The following SUPT5H variants were observed in gnomAD, a reference collection of about 807,000 sequenced individuals.
The protein encoded by SUPT5H is transcription elongation factor SPT5.
In SUPT5H, 24 loss-of-function variants were observed where a neutral mutation model predicts 142.5. The observed-to-expected ratio is 0.17, with a 90% CI of 0.12 to 0.24. The LOEUF (loss-of-function observed/expected upper bound fraction) is 0.24, where lower values mean the gene tolerates loss of function less well. Among genes scored for constraint, SUPT5H ranks in the 10% least tolerant of loss-of-function variants. The probability of loss-of-function intolerance (pLI) is 1.00; values close to 1 mark genes in which losing one functional copy is unlikely to be tolerated. For synonymous variants in SUPT5H, 546 were observed against 553.0 expected (o/e 0.99, Z 0.18); for missense variants, 893 against 1,471.8 (o/e 0.61, Z 6.43).
At chr19:39,453,026 AAAAG>A (rs1442754106) in intron 2 of SUPT5H, among the ~76,000 whole-genome samples, 88 of 151,608 alleles carry the variant, frequency 5.8e-4, no homozygotes, top group African/African-American at 2.0e-3. Flanking sequence ...AAAAAAAAAA[AAAAG>A]AGAGAGAAAG....
chr19:39,474,112 C>T lies in SUPT5H; in HGVS notation c.2642C>T (p.Thr881Met), dbSNP rs2079366831. The T allele has an allele frequency of 1.3e-6, 2 of 1,599,240 alleles. No individual in the cohort carries two copies. Among genetic ancestry groups the T allele is most frequent in the East Asian group, 2.2e-5 (1 of 44,768 alleles). The change falls in exon 26 of 30, where the codon ACG becomes ATG. Residue 881 changes from threonine to methionine, a missense_variant. Physicochemically the swap from Thr to Met is moderately conservative, Grantham distance 81. Transcript: ENST00000432763. This position sits in a 1 kb window ranked among gnomAD's most constrained non-coding sequence, Gnocchi z 6.5. ...CAATACAACCCGCAGACGCCAGGGA[C>T]GCCGGCCATGTGAGTCCACTGGGGC... ...NPQYNPQTPG[T>M]PAMYNTDQFS...
In SUPT5H at chr19:39,476,429, T is replaced by A; in HGVS notation, c.*30T>A. 5 of 1,612,756 alleles carry A rather than the reference T, an allele frequency of 3.1e-6. No individual in the cohort carries two copies. The highest frequency in any genetic ancestry group is 4.2e-6 in the Non-Finnish European group (5 of 1,179,770). ...GGCAGGGCCGGTGGACTTCGTCGGA[T>A]GAAGAGTGATCCTCCTTCCTTCCCT... On this transcript the variant is annotated 3_prime_UTR_variant, in exon 30 of 30. Coordinates refer to ENST00000432763, the MANE Select transcript of SUPT5H (RefSeq NM_001111020.3).
At position 39,455,627 on chromosome 19, in the gene SUPT5H, CT is replaced by C. The variant is rs113696535; in HGVS notation, c.242-2035del. Among the ~76,000 whole-genome samples, 460 of 143,162 alleles carry C rather than the reference CT, an allele frequency of 3.2e-3. 1 individual carries two copies. Among genetic ancestry groups the C allele is most frequent in the African/African-American group, 7.3e-3 (286 of 39,262 alleles). The allele number at this position is 143,162 out of a possible 152,430, so 93.9% of individuals were successfully genotyped here. A position where few individuals can be genotyped will look rare whatever the true frequency, so the allele number is the denominator to read the frequency against. ...TTACATGCATTTCTTTTCTTTTCTT[CT>C]TTTTTTTTTTTTGAGATGGAGTTTC... On this transcript the variant is annotated intron_variant, in intron 3 of 29. Coordinates refer to ENST00000432763, the MANE Select transcript of SUPT5H (RefSeq NM_001111020.3).
chr19:39,472,387 TCACTCC>T lies in SUPT5H; in HGVS notation c.1951-21_1951-16del. The T allele has an allele frequency of 6.2e-7, 1 of 1,613,104 alleles. No individual in the cohort carries two copies. Among genetic ancestry groups the T allele is most frequent in the Non-Finnish European group, 8.5e-7 (1 of 1,179,254 alleles). ...GTTCCCCCATCCCCTGCCTGCCAGT[TCACTCC>T]TTGCTTCTATCCTAGCCCCGTGATG... On this transcript the variant is annotated splice_polypyrimidine_tract_variant and intron_variant, in intron 20 of 29. Coordinates refer to ENST00000432763, the MANE Select transcript of SUPT5H (RefSeq NM_001111020.3). This position sits in a 1 kb window ranked among gnomAD's most constrained non-coding sequence, Gnocchi z 4.2.
In SUPT5H at chr19:39,473,224, C is replaced by A; in HGVS notation, c.2280C>A (p.Gly760=). 3 of 1,613,074 alleles carry A rather than the reference C, an allele frequency of 1.9e-6. No homozygotes were observed. Among genetic ancestry groups the A allele is most frequent in the Non-Finnish European group, 2.5e-6 (3 of 1,179,940 alleles). ...CCAGGGGCTCACGGCGCCCGGGCGGCATGACCTCGACCTATGGGAGGACGC... is the reference window on the plus strand; with the variant it reads ...CCAGGGGCTCACGGCGCCCGGGCGGAATGACCTCGACCTATGGGAGGACGC... ...LTTVGSRRPG[G]MTSTYGRTPM... The change falls in exon 24 of 30, where the codon GGC becomes GGA. Residue 760 remains glycine, a synonymous_variant. Coordinates refer to ENST00000432763, the MANE Select transcript of SUPT5H (RefSeq NM_001111020.3). The surrounding 1 kb of genome is among the most constrained non-coding windows in gnomAD (Gnocchi z 5.8).
At chr19:39,459,831 C>A in intron 9 of SUPT5H, 61 bp from the exon 10 acceptor site, 1 of 1,571,866 alleles carries the variant, frequency 6.4e-7, no homozygotes, top group East Asian at 2.2e-5. Context: ...TCTCCTTCCC[C>A]CTTTCCTGTG....
chr19:39,456,097 A>G (rs1025960799), intron 3 of SUPT5H, among the ~76,000 whole-genome samples: 4 of 149,348 alleles, frequency 2.7e-5, no homozygotes, highest in Non-Finnish European at 5.9e-5. Context: ...TTGTGTTTTT[A>G]GTAGAGACGG....
chr19:39,476,547 C>A lies in SUPT5H; in HGVS notation c.*148C>A. The A allele has an allele frequency of 9.6e-7, 1 of 1,045,536 alleles. No individual in the cohort carries two copies. Among genetic ancestry groups the A allele is most frequent in the African/African-American group, 1.6e-5 (1 of 62,638 alleles). 64.8% of individuals were successfully genotyped at this position (1,045,536 alleles called of 1,614,324 possible). A position where few individuals can be genotyped will look rare whatever the true frequency, so the allele number is the denominator to read the frequency against. On this transcript the variant is annotated 3_prime_UTR_variant, in exon 30 of 30. Coordinates refer to ENST00000432763, the MANE Select transcript of SUPT5H (RefSeq NM_001111020.3). ...TTCCTTTTAGTTTTCCATCTTTTCCCTCCCTGGTGCTCATTGGAATCTGAG... is the reference window on the plus strand; with the variant it reads ...TTCCTTTTAGTTTTCCATCTTTTCCATCCCTGGTGCTCATTGGAATCTGAG...
At chr19:39,455,251 A>C (rs970807805) in intron 3 of SUPT5H, among the ~76,000 whole-genome samples, 8 of 152,260 alleles carry the variant, frequency 5.3e-5, no homozygotes, top group African/African-American at 1.9e-4. Flanking sequence ...AGAAAGGTAC[A>C]GAACGGTGTG....
In SUPT5H at chr19:39,464,917, C is replaced by T. The variant is rs780448098; in HGVS notation, c.744C>T (p.Gly248=). 2.5e-6 allele frequency: 4 copies of T among 1,614,108 alleles called. No homozygotes were observed. In the South Asian group the frequency reaches 4.4e-5, roughly 18 times the overall value. Residue 248 remains glycine (G), a synonymous_variant, in exon 11 of 30, where the codon GGC becomes GGT. Coordinates refer to ENST00000432763, the MANE Select transcript of SUPT5H (RefSeq NM_001111020.3). ...AGGGGGTGGGCAACCTGCGGCTTGG[C>T]TACTGGAACCAGCAGATGGTGCCCA... The part of the protein sequence containing the change: ...AIEGVGNLRL[G]YWNQQMVPIK...
Position 39,472,572 on chromosome 19 carries a change from G to C in SUPT5H, c.2035+79G>C. On this transcript the variant is annotated intron_variant, in intron 21 of 29. Coordinates refer to ENST00000432763, the MANE Select transcript of SUPT5H (RefSeq NM_001111020.3). The surrounding 1 kb of genome is among the most constrained non-coding windows in gnomAD (Gnocchi z 4.2). ...CTTGGTTGTTCAGCCTACACTCACT[G>C]AGTGCCTGTGCTGGGCTGGGCACTG... The C allele has an allele frequency of 2.0e-6, 3 of 1,525,980 alleles. No individual in the cohort carries two copies. Among genetic ancestry groups the C allele is most frequent in the Non-Finnish European group, 2.7e-6 (3 of 1,107,950 alleles). The allele number at this position is 1,525,980 out of a possible 1,614,324, so 94.5% of individuals were successfully genotyped here. A position where few individuals can be genotyped will look rare whatever the true frequency, so the allele number is the denominator to read the frequency against.
chr19:39,471,055 C>T (rs2079312576), intron 18 of SUPT5H, among the ~76,000 whole-genome samples: 1 of 152,166 alleles, frequency 6.6e-6, no homozygotes, highest in African/African-American at 2.4e-5. Context: ...GGGCCTGACA[C>T]AGAATGATGG....
Position 39,469,084 on chromosome 19 carries a change from G to C in SUPT5H, c.1149G>C (p.Thr383=). 1 of 1,614,148 alleles carries C rather than the reference G, an allele frequency of 6.2e-7. No individual in the cohort carries two copies. The highest frequency in any genetic ancestry group is 8.5e-7 in the Non-Finnish European group (1 of 1,180,032). Residue 383 remains threonine (T), a synonymous_variant, in exon 15 of 30, where the codon ACG becomes ACC. Coordinates refer to ENST00000432763, the MANE Select transcript of SUPT5H (RefSeq NM_001111020.3). This position sits in a 1 kb window ranked among gnomAD's most constrained non-coding sequence, Gnocchi z 5.1. ...FKSFAMSAVI[T]EGVKPTLSEL... ...CCTCACCGCTGGGGGCTTAGATCAC[G>C]GAGGGTGTGAAGCCAACACTCTCTG...
chr19:39,454,285 C>A (rs994263628), intron 3 of SUPT5H, among the ~76,000 whole-genome samples: 2 of 151,666 alleles, frequency 1.3e-5, no homozygotes, highest in East Asian at 3.9e-4. Context: ...GATGAAAAAT[C>A]TCTGTTCTAC....
Position 39,473,364 on chromosome 19 carries a change from A to G in SUPT5H, c.2386+34A>G. On this transcript the variant is annotated intron_variant, in intron 24 of 29. Coordinates refer to ENST00000432763, the MANE Select transcript of SUPT5H (RefSeq NM_001111020.3). The surrounding 1 kb of genome is among the most constrained non-coding windows in gnomAD (Gnocchi z 5.8). ...CCGCAGGGGACAGGGAAGAGGGGCT[A>G]GGGGGACCTAGAGAAGGGACAGGAC... The G allele has an allele frequency of 6.2e-7, 1 of 1,613,438 alleles. No homozygotes were observed. Among genetic ancestry groups the G allele is most frequent in the Non-Finnish European group, 8.5e-7 (1 of 1,179,852 alleles).
intron 4 of SUPT5H, 165 bp downstream of exon 4, chr19:39,457,905 C>G: frequency 8.1e-7 from 1 of 1,233,996 alleles, no homozygotes; most frequent in Non-Finnish European, 1.1e-6. Context: ...CTGCTTTTTC[C>G]TTTTAGGCCC....
intron 2 of SUPT5H, among the ~76,000 whole-genome samples, chr19:39,452,905 C>G (rs2079037990): frequency 6.6e-6 from 1 of 151,434 alleles, no homozygotes. Flanking sequence ...CTCAGCTACT[C>G]AGGAGGCTGA....
In SUPT5H at chr19:39,458,111, A is replaced by C. The variant is rs113856265; in HGVS notation, c.308-183A>C. On this transcript the variant is annotated intron_variant, in intron 4 of 29. Transcript: ENST00000432763. The surrounding 1 kb of genome is among the most constrained non-coding windows in gnomAD (Gnocchi z 4.2). The stretch of plus-strand genomic sequence containing the variant: ...CCTCATACATTTCGGCTTCTCCCCA[A>C]CCACCTGGTGCCTGGCCTTTACTTT... 1.0e-5 allele frequency: 11 copies of C among 1,079,956 alleles called. No individual in the cohort carries two copies. The highest frequency in any genetic ancestry group is 6.4e-5 in the African/African-American group (4 of 62,634). The allele number at this position is 1,079,956 out of a possible 1,614,324, so 66.9% of individuals were successfully genotyped here.
chr19:39,458,110 A>G lies in SUPT5H; in HGVS notation c.308-184A>G, dbSNP rs2079114452. On this transcript the variant is annotated intron_variant, in intron 4 of 29. Coordinates refer to ENST00000432763, the MANE Select transcript of SUPT5H (RefSeq NM_001111020.3). This position sits in a 1 kb window ranked among gnomAD's most constrained non-coding sequence, Gnocchi z 4.2. ...GCCTCATACATTTCGGCTTCTCCCCAACCACCTGGTGCCTGGCCTTTACTT... is the reference window on the plus strand; with the variant it reads ...GCCTCATACATTTCGGCTTCTCCCCGACCACCTGGTGCCTGGCCTTTACTT... The G allele has an allele frequency of 3.7e-6, 4 of 1,075,410 alleles. No homozygotes were observed. In the South Asian group the frequency reaches 6.4e-5, roughly 17 times the overall value. 66.6% of individuals were successfully genotyped at this position (1,075,410 alleles called of 1,614,324 possible).
Sources: allele counts gnomAD v4.1 joint callset (sites outside exome capture counted in the v4.1 genomes callset), GRCh38; gene constraint gnomAD v4.1.1; non-coding constraint Gnocchi (gnomAD v3.1); transcripts MANE v1.5; gene names NCBI Gene and HGNC (gene_info 2026-07-23, HGNC 2026-07-21).